The following SLC39A11 variants were observed in gnomAD, a reference collection of about 807,000 sequenced individuals.
The protein encoded by SLC39A11 is zinc transporter ZIP11.
In SLC39A11, 33 loss-of-function variants were observed where a neutral mutation model predicts 36.1. That is an observed-to-expected ratio of 0.91 (90% confidence interval 0.69 to 1.22). The LOEUF (loss-of-function observed/expected upper bound fraction) is 1.22. Among genes scored for constraint, SLC39A11 ranks in the 50% most tolerant of loss-of-function variants. The pLI is 0.00. For synonymous variants in SLC39A11, 166 were observed against 170.3 expected (o/e 0.97, Z 0.20); for missense variants, 432 against 430.3 (o/e 1.00, Z -0.03).
chr17:73,056,343 A>T (rs1260651677), intron 3 of SLC39A11, among the ~76,000 whole-genome samples: 1 of 151,798 alleles, frequency 6.6e-6, no homozygotes, highest in Non-Finnish European at 1.5e-5. Context: ...TAATTTTTGT[A>T]TTTTTAGTGG....
intron 7 of SLC39A11, among the ~76,000 whole-genome samples, chr17:72,672,223 T>C (rs1469291746): frequency 6.6e-6 from 1 of 152,174 alleles, no homozygotes; most frequent in Admixed American, 6.5e-5. Context: ...CTGAGGTGGG[T>C]GGATCACTTC....
At chr17:72,727,851 C>T (rs951490019) in intron 7 of SLC39A11, among the ~76,000 whole-genome samples, 7 of 152,004 alleles carry the variant, frequency 4.6e-5, no homozygotes, top group Admixed American at 2.6e-4. Context: ...GAGGAAGTAA[C>T]GGCATCTGTA....
chr17:72,946,405 A>G (rs935137426), intron 5 of SLC39A11, among the ~76,000 whole-genome samples: 1 of 152,246 alleles, frequency 6.6e-6, no homozygotes, highest in Non-Finnish European at 1.5e-5. Context: ...CATAATCTGA[A>G]CACAGATACC....
chr17:73,005,407 C>T (rs2090125441), intron 4 of SLC39A11, among the ~76,000 whole-genome samples: 1 of 152,220 alleles, frequency 6.6e-6, no homozygotes, highest in Non-Finnish European at 1.5e-5. Flanking sequence ...ATACCTACTG[C>T]ATGCCTGACT....
At chr17:72,903,729 A>C (rs2082511425) in intron 5 of SLC39A11, among the ~76,000 whole-genome samples, 1 of 152,208 alleles carries the variant, frequency 6.6e-6, no homozygotes, top group African/African-American at 2.4e-5. Context: ...TTTTCAAAGT[A>C]ATCGGGCTTG....
At chr17:72,689,562 GA>G (rs1313476127) in intron 7 of SLC39A11, among the ~76,000 whole-genome samples, 1 of 152,220 alleles carries the variant, frequency 6.6e-6, no homozygotes, top group African/African-American at 2.4e-5. Flanking sequence ...TGAGCCTATG[GA>G]GGGTCAACAC....
At chr17:73,058,228 T>C (rs750537968) in intron 3 of SLC39A11, among the ~76,000 whole-genome samples, 1 of 152,216 alleles carries the variant, frequency 6.6e-6, no homozygotes, top group Non-Finnish European at 1.5e-5. Flanking sequence ...GCCTGAAATC[T>C]GGTTATCAGG....
intron 3 of SLC39A11, among the ~76,000 whole-genome samples, chr17:73,035,967 C>T (rs2058900008): frequency 2.0e-5 from 3 of 151,238 alleles, no homozygotes; most frequent in East Asian, 3.9e-4. Context: ...TGCCATGCTG[C>T]TGGCTTGAGG....
chr17:72,697,812 C>G (rs545580877), intron 7 of SLC39A11, among the ~76,000 whole-genome samples: 2 of 150,680 alleles, frequency 1.3e-5, no homozygotes, highest in Admixed American at 6.6e-5. Context: ...CTGATACACT[C>G]GCCACGTGGA....
chr17:72,895,098 T>C (rs369644233), intron 5 of SLC39A11, among the ~76,000 whole-genome samples: 38 of 151,180 alleles, frequency 2.5e-4, no homozygotes, highest in African/African-American at 8.1e-4. Context: ...GTTGCATTGG[T>C]GGGTGCTAGT....
chr17:72,945,346 C>A (rs984876677), intron 5 of SLC39A11, among the ~76,000 whole-genome samples: 1 of 152,138 alleles, frequency 6.6e-6, no homozygotes, highest in Non-Finnish European at 1.5e-5. Context: ...ACAGCAGCAC[C>A]AATATGATGT....
chr17:73,011,081 C>CAGGCACAA (rs1421900176), intron 4 of SLC39A11, among the ~76,000 whole-genome samples: 2 of 152,184 alleles, frequency 1.3e-5, no homozygotes, highest in Admixed American at 1.3e-4. Flanking sequence ...CCCCGGTACA[C>CAGGCACAA]AGGCACACAG....
chr17:72,883,001 T>A (rs965419496), intron 5 of SLC39A11, among the ~76,000 whole-genome samples: 1 of 152,020 alleles, frequency 6.6e-6, no homozygotes, highest in Non-Finnish European at 1.5e-5. Flanking sequence ...TTCATCATGT[T>A]GGCCAGGCTG....
intron 7 of SLC39A11, among the ~76,000 whole-genome samples, chr17:72,654,210 C>T (rs1431841655): frequency 1.3e-5 from 2 of 152,018 alleles, no homozygotes; most frequent in African/African-American, 2.4e-5. Flanking sequence ...CCCTCTTCTG[C>T]TGCTCTGCCA....
chr17:72,946,524 T>C (rs1481096112), intron 5 of SLC39A11, among the ~76,000 whole-genome samples: 1 of 152,192 alleles, frequency 6.6e-6, no homozygotes, highest in East Asian at 1.9e-4. Flanking sequence ...AATGCCAGCA[T>C]GGAAATGGGA....
In SLC39A11 at chr17:72,716,342, C is replaced by CT. The variant is rs946510780; in HGVS notation, c.671+20307dup. Among the ~76,000 whole-genome samples the CT allele has an allele frequency of 7.9e-4, 116 of 146,570 alleles. 1 individual carries two copies. Among genetic ancestry groups the CT allele is most frequent in the African/African-American group, 1.3e-3 (51 of 40,196 alleles). ...GTCCCAAAGAATGCTGTGGTTGAAC[C>CT]TTTTTTTTTTTGTTGTTTGTTTTCT... On this transcript the variant is annotated intron_variant, in intron 7 of 9. Transcript: ENST00000255559.
intron 7 of SLC39A11, among the ~76,000 whole-genome samples, chr17:72,709,945 T>C (rs2073048744): frequency 6.6e-6 from 1 of 152,240 alleles, no homozygotes; most frequent in African/African-American, 2.4e-5. Flanking sequence ...CAGATTATTT[T>C]CCCCTCAGGT....
At chr17:72,874,301 G>C (rs964938214) in intron 5 of SLC39A11, among the ~76,000 whole-genome samples, 2 of 152,138 alleles carry the variant, frequency 1.3e-5, no homozygotes, top group African/African-American at 4.8e-5. Context: ...CCAAAGCAAA[G>C]AGAAAATCCA....
Position 72,659,748 on chromosome 17 carries a change from A to G in SLC39A11, c.672-10480T>C, listed in dbSNP as rs141332047. ...CAGGCACCTACCACCATGCCTGGCT[A>G]ATTTTTATTTTATTTTATTTTTTTG... On this transcript the variant is annotated intron_variant, in intron 7 of 9. Transcript: ENST00000255559. Among the ~76,000 whole-genome samples the G allele has an allele frequency of 4.3e-3, 655 of 151,752 alleles. 2 individuals carry two copies. Among genetic ancestry groups the G allele is most frequent in the Non-Finnish European group, 6.9e-3 (466 of 67,898 alleles).
Sources: allele counts gnomAD v4.1 joint callset (sites outside exome capture counted in the v4.1 genomes callset), GRCh38; gene constraint gnomAD v4.1.1; transcripts MANE v1.5; gene names NCBI Gene and HGNC (gene_info 2026-07-23, HGNC 2026-07-21).